The following XYLT1 variants were observed in gnomAD, a reference collection of about 807,000 sequenced individuals.
XYLT1 encodes the protein beta-D-xylosyltransferase 1.
A neutral mutation model predicts 91.3 loss-of-function variants in XYLT1; 36 were observed. That is an observed-to-expected ratio of 0.39 (90% CI 0.30 to 0.52). The LOEUF (loss-of-function observed/expected upper bound fraction) is 0.52. XYLT1 is among the 20% of genes least tolerant of loss of function. The pLI is 0.68. For synonymous variants in XYLT1, 588 were observed against 532.0 expected (o/e 1.11, Z -1.45); for missense variants, 1,242 against 1,284.5 (o/e 0.97, Z 0.51).
intron 1 of XYLT1, among the ~76,000 whole-genome samples, chr16:17,429,523 C>A (rs188449600): frequency 6.6e-6 from 1 of 152,146 alleles, no homozygotes; most frequent in Non-Finnish European, 1.5e-5. Context: ...AAAGTGGCAG[C>A]GAGGATGGTT....
At chr16:17,228,709 C>CTG (rs1257304424) in intron 3 of XYLT1, among the ~76,000 whole-genome samples, 4 of 152,136 alleles carry the variant, frequency 2.6e-5, no homozygotes, top group Admixed American at 2.6e-4. Context: ...TCCTCCGGAC[C>CTG]TGTGTGTGAC....
chr16:17,196,404 G>A (rs575740148), intron 5 of XYLT1, among the ~76,000 whole-genome samples: 10 of 152,172 alleles, frequency 6.6e-5, no homozygotes, highest in Non-Finnish European at 1.0e-4. Flanking sequence ...ATCTTTTCTA[G>A]ATATATACTG....
At chr16:17,429,488 A>G (rs1178123985) in intron 1 of XYLT1, among the ~76,000 whole-genome samples, 5 of 152,222 alleles carry the variant, frequency 3.3e-5, no homozygotes, top group African/African-American at 1.2e-4. Context: ...TGGCTACATT[A>G]AGTTGTAGGG....
intron 3 of XYLT1, among the ~76,000 whole-genome samples, chr16:17,213,242 C>T: frequency 6.6e-6 from 1 of 152,168 alleles, no homozygotes; most frequent in East Asian, 1.9e-4. Context: ...ACCTACATCC[C>T]CCTTTACCTT....
At chr16:17,217,609 C>T (rs2032884178) in intron 3 of XYLT1, among the ~76,000 whole-genome samples, 1 of 152,238 alleles carries the variant, frequency 6.6e-6, no homozygotes, top group Non-Finnish European at 1.5e-5. Context: ...CACAGAGCAG[C>T]TACGCTGCCA....
At chr16:17,368,111 A>G (rs1430715519) in intron 1 of XYLT1, among the ~76,000 whole-genome samples, 1 of 152,208 alleles carries the variant, frequency 6.6e-6, no homozygotes, top group Non-Finnish European at 1.5e-5. Context: ...CCAAGAGGCC[A>G]CACACAGAAC....
intron 1 of XYLT1, among the ~76,000 whole-genome samples, chr16:17,362,428 G>A (rs13339477): frequency 0.033 from 5,070 of 152,266 alleles, 274 homozygotes; most frequent in African/African-American, 0.11. Context: ...TGCGTGGCAG[G>A]CACCATGAGG....
intron 1 of XYLT1, among the ~76,000 whole-genome samples, chr16:17,448,420 G>A (rs1471007618): frequency 2.0e-5 from 3 of 152,114 alleles, no homozygotes; most frequent in Non-Finnish European, 4.4e-5. Context: ...AGTAAAAAAT[G>A]TGCATCTTAA....
intron 2 of XYLT1, among the ~76,000 whole-genome samples, chr16:17,321,656 C>T (rs2034723544): frequency 6.6e-6 from 1 of 152,156 alleles, no homozygotes. Context: ...CCACACCCAG[C>T]TATCTGTTCT....
chr16:17,123,348 TA>T (rs1378337973), intron 10 of XYLT1, among the ~76,000 whole-genome samples: 1 of 152,204 alleles, frequency 6.6e-6, no homozygotes, highest in African/African-American at 2.4e-5. Flanking sequence ...TTAGATTGTC[TA>T]TTTGGGCTCT....
chr16:17,429,543 T>A (rs1298610554), intron 1 of XYLT1, among the ~76,000 whole-genome samples: 2 of 152,234 alleles, frequency 1.3e-5, no homozygotes. Context: ...TACTTCTGTG[T>A]GTTAACTTGA....
chr16:17,274,810 G>A (rs1033266198), intron 2 of XYLT1, among the ~76,000 whole-genome samples: 3 of 152,138 alleles, frequency 2.0e-5, no homozygotes, highest in Admixed American at 6.5e-5. Flanking sequence ...TAATAACAAC[G>A]ATCCCAGCTA....
chr16:17,300,618 G>A (rs1191335369), intron 2 of XYLT1, among the ~76,000 whole-genome samples: 5 of 148,472 alleles, frequency 3.4e-5, no homozygotes, highest in African/African-American at 1.3e-4. Context: ...CACCATACCT[G>A]GCTAATTTTC....
At chr16:17,204,576 C>A (rs200724144) in intron 3 of XYLT1, among the ~76,000 whole-genome samples, 9 of 152,090 alleles carry the variant, frequency 5.9e-5, no homozygotes, top group African/African-American at 1.9e-4. Flanking sequence ...GGGAAGACAG[C>A]GAGTCAGGAG....
chr16:17,150,977 A>G (rs935929765), intron 6 of XYLT1, among the ~76,000 whole-genome samples: 1 of 152,182 alleles, frequency 6.6e-6, no homozygotes, highest in Non-Finnish European at 1.5e-5. Context: ...AGGAAGCTAC[A>G]GGGAAGTCCT....
At chr16:17,188,256 G>A (rs903904280) in intron 5 of XYLT1, among the ~76,000 whole-genome samples, 14 of 152,118 alleles carry the variant, frequency 9.2e-5, no homozygotes, top group South Asian at 4.2e-4. Flanking sequence ...ATTCTCCCAC[G>A]GCAGCCAGTA....
At chr16:17,229,490 A>G (rs887043000) in intron 3 of XYLT1, among the ~76,000 whole-genome samples, 1 of 152,228 alleles carries the variant, frequency 6.6e-6, no homozygotes, top group Admixed American at 6.5e-5. Flanking sequence ...GCTAGGCCCC[A>G]GCCTTATGGC....
intron 3 of XYLT1, among the ~76,000 whole-genome samples, chr16:17,253,500 A>AT (rs1213719425): frequency 6.6e-6 from 1 of 152,056 alleles, no homozygotes; most frequent in Non-Finnish European, 1.5e-5. Flanking sequence ...TGAGGTTCTG[A>AT]TTTTTTTGAA....
intron 9 of XYLT1, among the ~76,000 whole-genome samples, chr16:17,133,321 T>C (rs914899261): frequency 2.0e-5 from 3 of 152,026 alleles, no homozygotes; most frequent in Non-Finnish European, 2.9e-5. Context: ...TGCTATGTTG[T>C]TAAATGAACA....
Sources: gnomAD v4.1 joint callset for allele counts (sites outside exome capture counted in the v4.1 genomes callset) on GRCh38, gnomAD v4.1.1 for gene constraint, MANE v1.5 for transcripts, NCBI Gene and HGNC (gene_info 2026-07-23, HGNC 2026-07-21) for gene names.